Variants in UBE2U observed in about 807,000 individuals in gnomAD.
The protein encoded by UBE2U is ubiquitin-conjugating enzyme E2 U.
A neutral mutation model predicts 41.2 loss-of-function variants in UBE2U; 39 were observed. The observed-to-expected ratio is 0.95, with a 90% CI of 0.73 to 1.24. The LOEUF (loss-of-function observed/expected upper bound fraction) is 1.24, where lower values mean the gene tolerates loss of function less well. Ranked by LOEUF, UBE2U falls within the 50% of genes most tolerant of loss-of-function variation. The pLI, the probability that UBE2U is intolerant of heterozygous loss-of-function variation, is 0.00. For missense variants in UBE2U, 336 were observed against 363.1 expected (o/e 0.93, Z 0.61); for synonymous variants, 107 against 117.8 (o/e 0.91, Z 0.60).
At chr1:64,219,211 T>G (rs1187951216) in intron 5 of UBE2U, among the ~76,000 whole-genome samples, 1 of 152,226 alleles carries the variant, frequency 6.6e-6, no homozygotes, top group Non-Finnish European at 1.5e-5. Context: ...AGTTTGGAAA[T>G]AGTTTTCTTT....
rs142514168 is a variant in UBE2U, at chr1:64,205,469, T to C, written c.67-170T>C. ...TATGTTTTCTGGGATCTATATTAAC[T>C]TCCGTGAAATAAGACATGTAACACT... On this transcript the variant is annotated intron_variant, in intron 1 of 9. Coordinates refer to ENST00000371077, the MANE Select transcript of UBE2U (RefSeq NM_001366232.2). Among the ~76,000 whole-genome samples the C allele has an allele frequency of 2.6e-4, 39 of 152,316 alleles. 2 individuals are homozygous for C. In the East Asian group the frequency reaches 7.5e-3, roughly 29 times the overall value.
At chr1:64,239,127 AAG>A (rs1491271436) in intron 7 of UBE2U, among the ~76,000 whole-genome samples, 11 of 21,974 alleles carry the variant, frequency 5.0e-4, no homozygotes, top group African/African-American at 2.2e-3. Context: ...GAAGAAGAAG[AAG>A]AAGAAGAAGA....
At chr1:64,254,595 A>T (rs932854114) in intron 8 of UBE2U, among the ~76,000 whole-genome samples, 35 of 152,220 alleles carry the variant, frequency 2.3e-4, no homozygotes, top group Admixed American at 1.9e-3. Context: ...CAAGATTAAG[A>T]AATTCACTCA....
intron 8 of UBE2U, among the ~76,000 whole-genome samples, chr1:64,250,996 T>C (rs901902968): frequency 2.1e-4 from 32 of 151,722 alleles, no homozygotes; most frequent in Admixed American, 3.3e-4. Context: ...CACACCAACA[T>C]GGCACATGTA....
intron 7 of UBE2U, among the ~76,000 whole-genome samples, chr1:64,239,092 G>GGAAGAAGAAGAAGAA (rs1221201927): frequency 1.6e-4 from 7 of 42,794 alleles, no homozygotes; most frequent in East Asian, 7.7e-4. Context: ...AAGAGGAAGA[G>GGAAGAAGAAGAAGAA]GAAGAAGAAG....
At chr1:64,222,869 G>A (rs923562215) in intron 6 of UBE2U, among the ~76,000 whole-genome samples, 3 of 152,218 alleles carry the variant, frequency 2.0e-5, no homozygotes, top group Non-Finnish European at 4.4e-5. Context: ...TATCCAGGCA[G>A]TTGGACCCCC....
At chr1:64,255,714 A>G (rs1645079235) in intron 8 of UBE2U, among the ~76,000 whole-genome samples, 1 of 152,170 alleles carries the variant, frequency 6.6e-6, no homozygotes, top group Admixed American at 6.5e-5. Flanking sequence ...CAAGACAAGG[A>G]TGCCCTCTCT....
At chr1:64,224,871 T>A (rs1652754013) in intron 6 of UBE2U, among the ~76,000 whole-genome samples, 1 of 152,114 alleles carries the variant, frequency 6.6e-6, no homozygotes, top group African/African-American at 2.4e-5. Context: ...GATAAAGTTA[T>A]GTGTTTTGCC....
chr1:64,232,545 T>C lies in UBE2U; in HGVS notation c.507-16T>C. Reference sequence around the variant, plus strand: ...TTACAAACTGCCCATCGTCTGATTTTTATTTATATTTTCAGACCAATTAAA... The same window carrying C: ...TTACAAACTGCCCATCGTCTGATTTCTATTTATATTTTCAGACCAATTAAA... On this transcript the variant is annotated splice_polypyrimidine_tract_variant and intron_variant, in intron 6 of 9. Coordinates refer to ENST00000371077, the MANE Select transcript of UBE2U (RefSeq NM_001366232.2). 6.3e-7 allele frequency: 1 copy of C among 1,597,976 alleles called. No individual in the cohort carries two copies. The highest frequency in any genetic ancestry group is 1.3e-5 in the African/African-American group (1 of 74,470).
chr1:64,225,400 A>G (rs759259520), intron 6 of UBE2U, among the ~76,000 whole-genome samples: 1 of 152,254 alleles, frequency 6.6e-6, no homozygotes, highest in Non-Finnish European at 1.5e-5. Flanking sequence ...AGGCTGGGCC[A>G]AATCACTTAG....
intron 8 of UBE2U, among the ~76,000 whole-genome samples, chr1:64,254,911 AT>A: frequency 6.6e-6 from 1 of 152,302 alleles, no homozygotes; most frequent in Admixed American, 6.5e-5. Flanking sequence ...AAGACAAGAA[AT>A]AACCAAGATC....
intron 7 of UBE2U, among the ~76,000 whole-genome samples, chr1:64,237,253 A>T (rs1644684051): frequency 6.6e-6 from 1 of 151,884 alleles, no homozygotes; most frequent in African/African-American, 2.4e-5. Flanking sequence ...AGCAGTGGAA[A>T]AAAAAAATTC....
chr1:64,212,328 T>C (rs1569962221), intron 4 of UBE2U, among the ~76,000 whole-genome samples: 1 of 152,214 alleles, frequency 6.6e-6, no homozygotes, highest in Non-Finnish European at 1.5e-5. Context: ...CAAACCAGAA[T>C]GAACTGGTGA....
chr1:64,236,170 G>T (rs1387978570), intron 7 of UBE2U, among the ~76,000 whole-genome samples: 2 of 152,122 alleles, frequency 1.3e-5, no homozygotes, highest in East Asian at 1.9e-4. Flanking sequence ...TACTTTATAG[G>T]GTTGAAGCAC....
At chr1:64,238,601 A>G (rs1644714028) in intron 7 of UBE2U, among the ~76,000 whole-genome samples, 1 of 152,160 alleles carries the variant, frequency 6.6e-6, no homozygotes, top group Non-Finnish European at 1.5e-5. Context: ...GTGTGCTTAC[A>G]TGTGTTTGAA....
intron 4 of UBE2U, 82 bp from the exon 5 acceptor site, chr1:64,214,733 G>A: frequency 1.0e-6 from 1 of 1,001,668 alleles, no homozygotes. Context: ...CATGCTTATT[G>A]AAAGTTGTAT....
At chr1:64,233,810 T>G (rs1644615917) in intron 7 of UBE2U, among the ~76,000 whole-genome samples, 1 of 152,236 alleles carries the variant, frequency 6.6e-6, no homozygotes. Context: ...CTTACTGAAA[T>G]ACGACTTTGC....
chr1:64,239,157 AAAGAAGAAGAAGAAG>A (rs149062313), intron 7 of UBE2U, among the ~76,000 whole-genome samples: 423 of 36,966 alleles, frequency 0.011, 13 homozygotes, highest in African/African-American at 0.034. Context: ...GAAGAAGAAG[AAAGAAGAAGAAGAAG>A]AAGAAGAAGA....
chr1:64,253,822 C>A (rs1376040568), intron 8 of UBE2U, among the ~76,000 whole-genome samples: 1 of 152,068 alleles, frequency 6.6e-6, no homozygotes, highest in Non-Finnish European at 1.5e-5. Flanking sequence ...CTGAAGTACA[C>A]AGACCAGTGA....
Sources: allele counts gnomAD v4.1 joint callset (sites outside exome capture counted in the v4.1 genomes callset), GRCh38; gene constraint gnomAD v4.1.1; transcripts MANE v1.5; gene names NCBI Gene and HGNC (gene_info 2026-07-23, HGNC 2026-07-21).